Variants in FBXW4 observed in about 807,000 individuals in gnomAD.
FBXW4 encodes F-box/WD repeat-containing protein 4.
FBXW4 carries 40 observed loss-of-function variants against 61.8 expected under a neutral mutation model. The ratio of observed to expected loss-of-function variants is 0.65; its 90% CI spans 0.50 to 0.84. The LOEUF (loss-of-function observed/expected upper bound fraction) is 0.84. Among genes scored for constraint, FBXW4 ranks in the 40% least tolerant of loss-of-function variants. FBXW4 has a pLI of 0.00. For synonymous variants in FBXW4, 311 were observed against 313.8 expected (o/e 0.99, Z 0.10); for missense variants, 672 against 753.8 (o/e 0.89, Z 1.27).
chr10:101,688,617 A>G (rs1253845338), intron 1 of FBXW4, among the ~76,000 whole-genome samples: 1 of 152,228 alleles, frequency 6.6e-6, no homozygotes, highest in Non-Finnish European at 1.5e-5. Flanking sequence ...TACCATAACC[A>G]TTTTGATTCA....
chr10:101,656,134 A>C (rs561471290), intron 5 of FBXW4, among the ~76,000 whole-genome samples: 2 of 152,142 alleles, frequency 1.3e-5, no homozygotes, highest in Non-Finnish European at 2.9e-5. Context: ...GTATATTTAC[A>C]CTGGAAAAGC....
intron 1 of FBXW4, among the ~76,000 whole-genome samples, chr10:101,687,904 C>T (rs2064550269): frequency 6.6e-6 from 1 of 152,170 alleles, no homozygotes; most frequent in African/African-American, 2.4e-5. Context: ...AGACCACCAA[C>T]AAAGAAGTCC....
rs2063790025 is a variant in FBXW4, at chr10:101,611,902, A to C, written c.1443-133T>G. The stretch of plus-strand genomic sequence containing the variant: ...GATGGAAGAGAAAGAAGCCTAAATC[A>C]TCAGATTCATCAAAAACCGAACTTC... On this transcript the variant is annotated intron_variant, in intron 7 of 8. Coordinates refer to ENST00000331272, the MANE Select transcript of FBXW4 (RefSeq NM_022039.4). The surrounding 1 kb of genome is among the most constrained non-coding windows in gnomAD (Gnocchi z 4.9). The C allele has an allele frequency of 1.4e-5, 16 of 1,118,358 alleles. No individual in the cohort carries two copies. The highest frequency in any genetic ancestry group is 1.9e-5 in the Non-Finnish European group (15 of 810,336). 69.3% of individuals were successfully genotyped at this position (1,118,358 alleles called of 1,614,324 possible).
At chr10:101,671,557 G>C (rs1157063143) in intron 4 of FBXW4, among the ~76,000 whole-genome samples, 2 of 152,132 alleles carry the variant, frequency 1.3e-5, no homozygotes, top group Non-Finnish European at 2.9e-5. Context: ...CTGGGTGTCA[G>C]ACCACAGAGA....
intron 6 of FBXW4, chr10:101,622,719 C>A (rs2063876822): frequency 1.9e-5 from 2 of 107,342 alleles, no homozygotes; most frequent in Non-Finnish European, 1.7e-5. Flanking sequence ...CATAGTGAGA[C>A]TTCATCTCAA....
At chr10:101,665,736 C>T (rs1173996219) in intron 5 of FBXW4, among the ~76,000 whole-genome samples, 11 of 152,188 alleles carry the variant, frequency 7.2e-5, no homozygotes, top group Admixed American at 7.2e-4. Context: ...AGACTCTGTC[C>T]TCAACCTCTT....
chr10:101,679,413 T>C (rs912570144), intron 1 of FBXW4, among the ~76,000 whole-genome samples: 7 of 152,160 alleles, frequency 4.6e-5, no homozygotes, highest in African/African-American at 1.7e-4. Flanking sequence ...TTCTTTTCAA[T>C]TGGAAATAAG....
chr10:101,662,057 A>G (rs2134876612), intron 5 of FBXW4, among the ~76,000 whole-genome samples: 1 of 152,306 alleles, frequency 6.6e-6, no homozygotes, highest in East Asian at 1.9e-4. Context: ...GGGCCAAAGG[A>G]CTGCAGCACC....
chr10:101,685,278 C>A (rs958243423), intron 1 of FBXW4, among the ~76,000 whole-genome samples: 2 of 152,184 alleles, frequency 1.3e-5, no homozygotes, highest in Non-Finnish European at 2.9e-5. Context: ...AGCTATACAT[C>A]ATCTTTTTTG....
At chr10:101,632,386 T>C (rs2063966183) in intron 5 of FBXW4, among the ~76,000 whole-genome samples, 1 of 152,134 alleles carries the variant, frequency 6.6e-6, no homozygotes, top group Non-Finnish European at 1.5e-5. Context: ...GCAGGGTTTC[T>C]GCGGAGGAGT....
intron 5 of FBXW4, among the ~76,000 whole-genome samples, chr10:101,662,767 T>A (rs1164183705): frequency 6.6e-6 from 1 of 152,120 alleles, no homozygotes; most frequent in Non-Finnish European, 1.5e-5. Flanking sequence ...AAACAGGGTA[T>A]GTAGATCTGT....
At chr10:101,613,821 G>A (rs919114474) in intron 6 of FBXW4, among the ~76,000 whole-genome samples, 1 of 152,202 alleles carries the variant, frequency 6.6e-6, no homozygotes, top group Non-Finnish European at 1.5e-5. Flanking sequence ...TGCCAGGGGG[G>A]AATTAATCCC....
chr10:101,622,937 TG>T (rs1257095184), intron 6 of FBXW4: 4 of 152,000 alleles, frequency 2.6e-5, no homozygotes, highest in African/African-American at 9.7e-5. Context: ...AAGAATGACA[TG>T]CAAATACATG....
intron 4 of FBXW4, among the ~76,000 whole-genome samples, chr10:101,671,571 GAAGA>G (rs1409072190): frequency 6.6e-6 from 1 of 152,114 alleles, no homozygotes; most frequent in Non-Finnish European, 1.5e-5. Context: ...ACAGAGAATA[GAAGA>G]AAGAGGTGTC....
intron 5 of FBXW4, chr10:101,660,031 C>T: frequency 1.0e-6 from 1 of 960,404 alleles, no homozygotes; most frequent in Non-Finnish European, 1.2e-6. Flanking sequence ...GGAGAAATCA[C>T]TTGAATGGAC....
chr10:101,645,314 A>C (rs914306771), intron 5 of FBXW4, among the ~76,000 whole-genome samples: 6 of 152,202 alleles, frequency 3.9e-5, no homozygotes, highest in Non-Finnish European at 7.4e-5. Context: ...AAGCAGGCCT[A>C]CAAGATGAGA....
chr10:101,686,265 G>T (rs1360726090), intron 1 of FBXW4, among the ~76,000 whole-genome samples: 1 of 152,174 alleles, frequency 6.6e-6, no homozygotes, highest in Non-Finnish European at 1.5e-5. Flanking sequence ...TTTGCATGAT[G>T]CTGGCTGAAA....
At chr10:101,629,324 G>A (rs570883364) in intron 5 of FBXW4, among the ~76,000 whole-genome samples, 18 of 151,066 alleles carry the variant, frequency 1.2e-4, no homozygotes, top group South Asian at 1.0e-3. Context: ...TTGCTCTGTC[G>A]CCCAGGCTGG....
At chr10:101,689,961 A>G (rs2064576663) in intron 1 of FBXW4, among the ~76,000 whole-genome samples, 1 of 152,196 alleles carries the variant, frequency 6.6e-6, no homozygotes, top group Non-Finnish European at 1.5e-5. Context: ...AGGCAAATCT[A>G]TCATAGGCAA....
Sources: allele counts gnomAD v4.1 joint callset (sites outside exome capture counted in the v4.1 genomes callset), GRCh38; gene constraint gnomAD v4.1.1; non-coding constraint Gnocchi (gnomAD v3.1); transcripts MANE v1.5; gene names NCBI Gene and HGNC (gene_info 2026-07-23, HGNC 2026-07-21).